Variants in NKAIN3 observed in about 807,000 individuals in gnomAD.
NKAIN3 encodes the protein sodium/potassium transporting ATPase interacting 3, also known as sodium/potassium-transporting ATPase subunit beta-1-interacting protein 3.
Under a neutral mutation model 30.2 loss-of-function variants are expected in NKAIN3, and 25 were observed. The observed-to-expected ratio is 0.83, with a 90% CI of 0.60 to 1.16. NKAIN3 has a LOEUF of 1.16. NKAIN3 is among the 50% of genes most tolerant of loss of function. NKAIN3 has a pLI of 0.00. For missense variants in NKAIN3, 225 were observed against 254.1 expected (o/e 0.89, Z 0.78); for synonymous variants, 91 against 89.6 (o/e 1.02, Z -0.09).
intron 1 of NKAIN3, among the ~76,000 whole-genome samples, chr8:62,486,949 C>T (rs1411054209): frequency 4.6e-5 from 7 of 152,260 alleles, no homozygotes; most frequent in East Asian, 3.9e-4. Context: ...GAAGCAAGCA[C>T]GCCCACAAAA....
intron 1 of NKAIN3, among the ~76,000 whole-genome samples, chr8:62,439,683 T>C (rs945949740): frequency 2.0e-5 from 3 of 152,218 alleles, no homozygotes; most frequent in Admixed American, 6.5e-5. Flanking sequence ...TGCTGAATGT[T>C]TGGAACATTT....
chr8:62,629,461 C>A (rs187394439), intron 3 of NKAIN3, among the ~76,000 whole-genome samples: 308 of 152,202 alleles, frequency 2.0e-3, no homozygotes, highest in African/African-American at 6.8e-3. Context: ...ATGAACAATG[C>A]TCTTGCCTTC....
intron 3 of NKAIN3, among the ~76,000 whole-genome samples, chr8:62,597,933 T>C (rs1810880903): frequency 1.3e-5 from 2 of 151,930 alleles, no homozygotes; most frequent in Non-Finnish European, 2.9e-5. Context: ...TTGAGAAAAA[T>C]TTATGTTAGA....
chr8:62,912,521 CCTT>C (rs1821950870), intron 4 of NKAIN3, among the ~76,000 whole-genome samples: 1 of 152,172 alleles, frequency 6.6e-6, no homozygotes, highest in African/African-American at 2.4e-5. Context: ...AACACATCGA[CCTT>C]CTGCAGCTGT....
intron 1 of NKAIN3, among the ~76,000 whole-genome samples, chr8:62,476,799 T>A (rs1417632651): frequency 6.6e-6 from 1 of 152,144 alleles, no homozygotes; most frequent in East Asian, 1.9e-4. Context: ...CATATACAGC[T>A]TTTTTGAGTA....
chr8:62,544,989 G>A (rs1178966822), intron 1 of NKAIN3, among the ~76,000 whole-genome samples: 2 of 152,170 alleles, frequency 1.3e-5, no homozygotes, highest in Admixed American at 6.5e-5. Flanking sequence ...CTAAGTGGAA[G>A]TGAATCATCA....
At chr8:62,498,601 G>A (rs1434425696) in intron 1 of NKAIN3, among the ~76,000 whole-genome samples, 2 of 151,914 alleles carry the variant, frequency 1.3e-5, no homozygotes, top group Non-Finnish European at 2.9e-5. Context: ...GAATGGTAAG[G>A]AACATTCTGC....
At chr8:62,437,363 T>C (rs1362209334) in intron 1 of NKAIN3, among the ~76,000 whole-genome samples, 3 of 152,194 alleles carry the variant, frequency 2.0e-5, no homozygotes, top group Non-Finnish European at 4.4e-5. Flanking sequence ...ACACGGATAG[T>C]TAAATGAAGT....
intron 1 of NKAIN3, among the ~76,000 whole-genome samples, chr8:62,296,260 A>G (rs1054207716): frequency 9.2e-5 from 14 of 152,178 alleles, no homozygotes; most frequent in Non-Finnish European, 1.3e-4. Context: ...GGTGAGGGAG[A>G]GTGAAAAGTA....
chr8:62,666,631 C>T (rs770269335), intron 3 of NKAIN3, among the ~76,000 whole-genome samples: 1 of 152,124 alleles, frequency 6.6e-6, no homozygotes, highest in South Asian at 2.1e-4. Flanking sequence ...TTATCCCTTA[C>T]CTTGAAGCCT....
intron 3 of NKAIN3, among the ~76,000 whole-genome samples, chr8:62,742,040 C>T (rs1409749007): frequency 1.3e-5 from 2 of 152,014 alleles, no homozygotes; most frequent in African/African-American, 2.4e-5. Flanking sequence ...TTTCTCTACC[C>T]TTCTGAGTTC....
intron 4 of NKAIN3, among the ~76,000 whole-genome samples, chr8:62,854,075 G>A (rs1043219227): frequency 1.3e-5 from 2 of 152,224 alleles, no homozygotes; most frequent in East Asian, 3.9e-4. Context: ...GATTTGTTAG[G>A]ATTTCAGCTC....
At chr8:62,419,521 C>G (rs1804565355) in intron 1 of NKAIN3, among the ~76,000 whole-genome samples, 1 of 152,164 alleles carries the variant, frequency 6.6e-6, no homozygotes, top group African/African-American at 2.4e-5. Context: ...ATGGTATTCT[C>G]AAGTAATGCT....
rs536698510 is a variant in NKAIN3 at position 62,309,999 on chromosome 8, T to C, written c.54+60872T>C. ...ATAAACCCTGATACACATAGAAAAA[T>C]TCTAAAGTTATTATGTCATAAAATA... On this transcript the variant is annotated intron_variant, in intron 1 of 6. Coordinates refer to ENST00000623646, the MANE Select transcript of NKAIN3 (RefSeq NM_001304533.3). Among the ~76,000 whole-genome samples the C allele has an allele frequency of 3.3e-5, 5 of 150,462 alleles. No homozygotes were observed. In the East Asian group the frequency reaches 9.7e-4, roughly 29 times the overall value.
At chr8:62,964,535 A>AGTGT (rs1224306701) in intron 6 of NKAIN3, among the ~76,000 whole-genome samples, 1 of 99,998 alleles carries the variant, frequency 1.0e-5, no homozygotes, top group Non-Finnish European at 2.2e-5. Flanking sequence ...AGAGAGAGAG[A>AGTGT]GAGTGTGTGT....
At chr8:62,757,491 G>T (rs755796891) in intron 4 of NKAIN3, among the ~76,000 whole-genome samples, 3 of 152,128 alleles carry the variant, frequency 2.0e-5, no homozygotes, top group African/African-American at 4.8e-5. Flanking sequence ...ACTAAACAAG[G>T]TTGAATTGAC....
At chr8:62,746,835 G>A in intron 3 of NKAIN3, 97 bp from the exon 4 acceptor site, 3 of 788,762 alleles carry the variant, frequency 3.8e-6, no homozygotes, top group South Asian at 2.0e-5. Context: ...AATCACTGTA[G>A]CAATTTCATC....
chr8:62,476,977 T>G (rs2084799), intron 1 of NKAIN3, among the ~76,000 whole-genome samples: 59,172 of 151,912 alleles, frequency 0.39, 11,853 homozygotes, highest in South Asian at 0.45. Context: ...GGTGGAAAGA[T>G]ATGCGGTTTG....
rs1554580146 is a variant in NKAIN3 at position 62,807,767 on chromosome 8, G to GATATATATATATAAAATACATACAT, written c.471+60652_471+60676dup. ...GGGGTTTCACCATGGTGGCCAGGAA[G>GATATATATATATAAAATACATACAT]ATATATATATATAAAATACATACAT... On this transcript the variant is annotated intron_variant, in intron 4 of 6. Coordinates refer to ENST00000623646, the MANE Select transcript of NKAIN3 (RefSeq NM_001304533.3). Among the ~76,000 whole-genome samples, 19 of 147,488 alleles carry GATATATATATATAAAATACATACAT rather than the reference G, an allele frequency of 1.3e-4. No individual in the cohort carries two copies. In the Admixed American group the frequency reaches 1.3e-3, roughly 10 times the overall value.
Sources: gnomAD v4.1 joint callset for allele counts (sites outside exome capture counted in the v4.1 genomes callset) on GRCh38, gnomAD v4.1.1 for gene constraint, MANE v1.5 for transcripts, NCBI Gene and HGNC (gene_info 2026-07-23, HGNC 2026-07-21) for gene names.